PEAK1: variants seen among roughly 807,000 people sequenced by gnomAD.
PEAK1 encodes the protein inactive tyrosine-protein kinase PEAK1.
A neutral mutation model predicts 124.7 loss-of-function variants in PEAK1; 54 were observed. The ratio of observed to expected loss-of-function variants is 0.43; its 90% CI spans 0.35 to 0.54. The LOEUF (loss-of-function observed/expected upper bound fraction) is 0.54. Ranked by LOEUF, PEAK1 falls within the 20% of genes least tolerant of loss-of-function variation. The pLI, the probability that PEAK1 is intolerant of heterozygous loss-of-function variation, is 0.01. For missense variants in PEAK1, 2,046 were observed against 2,134.5 expected (o/e 0.96, Z 0.82); for synonymous variants, 719 against 760.0 (o/e 0.95, Z 0.89).
In PEAK1 at chr15:77,113,846, G is replaced by C. The variant is rs2051126470; in HGVS notation, c.*310C>G. On this transcript the variant is annotated 3_prime_UTR_variant, in exon 10 of 10. Transcript: ENST00000682557. ...GCTCACTGGCTGAGTTCATACCAAA[G>C]AAGCTGTCCCTTCAAGAATATGGAT... The C allele has an allele frequency of 5.7e-6, 2 of 349,046 alleles. No individual in the cohort carries two copies. Among genetic ancestry groups the C allele is most frequent in the Non-Finnish European group, 1.1e-5 (2 of 190,232 alleles). 21.6% of individuals were successfully genotyped at this position (349,046 alleles called of 1,614,324 possible). A position where few individuals can be genotyped will look rare whatever the true frequency, so the allele number is the denominator to read the frequency against.
At chr15:77,354,031 C>T (rs964756729) in intron 2 of PEAK1, among the ~76,000 whole-genome samples, 2 of 152,104 alleles carry the variant, frequency 1.3e-5, no homozygotes, top group Non-Finnish European at 2.9e-5. Context: ...TCCTCAATCC[C>T]GGGCAATTCC....
intron 8 of PEAK1, chr15:77,155,272 C>T (rs1328599017): frequency 6.6e-6 from 1 of 152,200 alleles, no homozygotes; most frequent in Non-Finnish European, 1.5e-5. Context: ...TCCAGTTGAT[C>T]GCATCGGCTC....
intron 2 of PEAK1, among the ~76,000 whole-genome samples, chr15:77,325,095 C>T (rs1179578799): frequency 3.9e-5 from 6 of 152,022 alleles, no homozygotes; most frequent in Non-Finnish European, 7.4e-5. Context: ...GAAACAAAAA[C>T]AAAAAAACAG....
At position 77,347,172 on chromosome 15, in the gene PEAK1, GAAC is replaced by G. The variant is rs534399876; in HGVS notation, c.-603+17988_-603+17990del. ...AAGGCCAGTGTAGCTGGAGTTTTGTGAACAACGTTAACAACGGCAGAAGATAAG... is the reference window on the plus strand; with the variant it reads ...AAGGCCAGTGTAGCTGGAGTTTTGTGAACGTTAACAACGGCAGAAGATAAG... On this transcript the variant is annotated intron_variant, in intron 2 of 9. Transcript: ENST00000682557. The G allele has an allele frequency of 1.6e-3, 1,522 of 951,128 alleles. 3 individuals carry two copies. Among genetic ancestry groups the G allele is most frequent in the Non-Finnish European group, 1.8e-3 (1,440 of 798,816 alleles). The allele number at this position is 951,128 out of a possible 1,614,324, so 58.9% of individuals were successfully genotyped here. A position where few individuals can be genotyped will look rare whatever the true frequency, so the allele number is the denominator to read the frequency against.
chr15:77,413,651 G>A (rs939085672), intron 1 of PEAK1, among the ~76,000 whole-genome samples: 6 of 152,180 alleles, frequency 3.9e-5, no homozygotes, highest in Non-Finnish European at 8.8e-5. Flanking sequence ...CAATATCAAG[G>A]TTTGGATAAC....
chr15:77,182,375 C>A (rs1275251278), intron 6 of PEAK1, among the ~76,000 whole-genome samples: 1 of 152,014 alleles, frequency 6.6e-6, no homozygotes, highest in Non-Finnish European at 1.5e-5. Flanking sequence ...CTTCCCAGCC[C>A]ATTATAGATT....
intron 2 of PEAK1, among the ~76,000 whole-genome samples, chr15:77,305,117 TGGACA>T (rs1028781566): frequency 1.2e-4 from 17 of 146,348 alleles, no homozygotes; most frequent in African/African-American, 4.3e-4. Flanking sequence ...CACTCCAGCC[TGGACA>T]ACAGAGCAAG....
chr15:77,252,232 C>T, intron 6 of PEAK1, 135 bp downstream of exon 6: 2 of 448,198 alleles, frequency 4.5e-6, no homozygotes, highest in South Asian at 1.9e-4. Flanking sequence ...CCTGGTTATG[C>T]TAAATAAGTT....
At chr15:77,283,327 TA>T (rs1305387089) in intron 5 of PEAK1, among the ~76,000 whole-genome samples, 1 of 152,156 alleles carries the variant, frequency 6.6e-6, no homozygotes, top group Non-Finnish European at 1.5e-5. Flanking sequence ...TTAATCATCT[TA>T]AAAAACACTT....
intron 1 of PEAK1, chr15:77,402,946 G>GGGT (rs1182893836): frequency 1.4e-5 from 14 of 985,248 alleles, no homozygotes; most frequent in African/African-American, 1.7e-5. Context: ...ATGTTTTCAT[G>GGGT]AAGATCACTT....
chr15:77,106,325 G>A (rs896151018), downstream of PEAK1: 1 of 150,736 alleles, frequency 6.6e-6, no homozygotes, highest in Admixed American at 6.6e-5. Context: ...ATATGTCTAC[G>A]TGTAAGTGTG....
intron 2 of PEAK1, among the ~76,000 whole-genome samples, chr15:77,316,952 G>A (rs887744935): frequency 6.6e-6 from 1 of 152,002 alleles, no homozygotes; most frequent in East Asian, 1.9e-4. Flanking sequence ...GTGGTGGCGT[G>A]CACCTGTAGT....
intron 2 of PEAK1, among the ~76,000 whole-genome samples, chr15:77,343,273 G>C (rs2066653040): frequency 6.6e-6 from 1 of 151,986 alleles, no homozygotes; most frequent in Admixed American, 6.5e-5. Context: ...TTGTATCTTT[G>C]GAGAAATGCC....
At chr15:77,329,642 A>G (rs375867813) in intron 2 of PEAK1, among the ~76,000 whole-genome samples, 1 of 152,226 alleles carries the variant, frequency 6.6e-6, no homozygotes, top group African/African-American at 2.4e-5. Context: ...CAGGAAATCA[A>G]TGATATACCT....
chr15:77,114,701 C>A lies in PEAK1; in HGVS notation c.4696G>T (p.Val1566Leu). 6.2e-7 allele frequency: 1 copy of A among 1,613,708 alleles called. No individual in the cohort carries two copies. The highest frequency in any genetic ancestry group is 1.3e-5 in the African/African-American group (1 of 74,890). Reference sequence around the variant, plus strand: ...TGGTCCCGGAGGATCTCGGGGTCCACCAGATGGCTCTTCTGCTTGGCCTGA... The same window carrying A: ...TGGTCCCGGAGGATCTCGGGGTCCAACAGATGGCTCTTCTGCTTGGCCTGA... ...FSQAKQKSHL[V>L]DPEILRDQSR... Residue 1566 changes from valine (V) to leucine (L), a missense_variant, in exon 10 of 10, where the codon GTG (valine) becomes TTG (leucine). Coordinates refer to ENST00000682557, the MANE Select transcript of PEAK1 (RefSeq NM_001385026.1).
chr15:77,189,391 G>C (rs1196099047), intron 6 of PEAK1, among the ~76,000 whole-genome samples: 1 of 152,160 alleles, frequency 6.6e-6, no homozygotes. Context: ...CATGGCATCT[G>C]GAGGCTGCTT....
chr15:77,377,075 G>A (rs1436923702), intron 1 of PEAK1, among the ~76,000 whole-genome samples: 2 of 151,284 alleles, frequency 1.3e-5, no homozygotes, highest in Non-Finnish European at 3.0e-5. Context: ...AATAACAATG[G>A]TATTGGTGTA....
rs531520303 is a variant in PEAK1, at chr15:77,218,251, G to C, written c.-115+34116C>G. On this transcript the variant is annotated intron_variant, in intron 6 of 9. Coordinates refer to ENST00000682557, the MANE Select transcript of PEAK1 (RefSeq NM_001385026.1). ...TATAATGCTATCTGTAGATTTTTTT[G>C]GTAGATAACCTCAATCAGGTTGAGG... Among the ~76,000 whole-genome samples the C allele has an allele frequency of 2.6e-5, 4 of 152,052 alleles. No individual in the cohort carries two copies. In the East Asian group the frequency reaches 7.8e-4, roughly 29 times the overall value.
At position 77,179,594 on chromosome 15, in the gene PEAK1, T is replaced by C. The variant is rs1398069153; in HGVS notation, c.2333A>G (p.Gln778Arg). Residue 778 changes from glutamine to arginine, a missense_variant, in exon 7 of 10, where the codon CAG becomes CGG. Gln to Arg is a conservative substitution (Grantham distance 43). Coordinates refer to ENST00000682557, the MANE Select transcript of PEAK1 (RefSeq NM_001385026.1). The stretch of plus-strand genomic sequence containing the variant: ...AGATTGAGGTGTTTCTGGAGGAGAC[T>C]GTGGGGGTTGGATTGAAGCCACAAT... ...SQIVASIQPPQSPPETPQSGP... is the reference protein window; with the variant it reads ...SQIVASIQPPRSPPETPQSGP... 6.2e-7 allele frequency: 1 copy of C among 1,614,138 alleles called. No homozygotes were observed. The highest frequency in any genetic ancestry group is 8.5e-7 in the Non-Finnish European group (1 of 1,180,012).
Sources: allele counts gnomAD v4.1 joint callset (sites outside exome capture counted in the v4.1 genomes callset), GRCh38; gene constraint gnomAD v4.1.1; transcripts MANE v1.5; gene names NCBI Gene and HGNC (gene_info 2026-07-23, HGNC 2026-07-21).